Variants in DNAH6 observed in about 807,000 individuals in gnomAD.
The protein encoded by DNAH6 is dynein axonemal heavy chain 6.
In DNAH6, 340 loss-of-function variants were observed where a neutral mutation model predicts 491.4. The observed-to-expected ratio is 0.69, with a 90% confidence interval of 0.63 to 0.76. The LOEUF is 0.76. Ranked by LOEUF, DNAH6 falls within the 30% of genes least tolerant of loss-of-function variation. DNAH6 has a pLI of 0.00. For missense variants in DNAH6, 4,443 were observed against 4,972.2 expected (o/e 0.89, Z 3.20); for synonymous variants, 1,603 against 1,686.1 (o/e 0.95, Z 1.21).
intron 46 of DNAH6, 23 bp downstream of exon 46, chr2:84,694,503 G>T (rs1695194151): frequency 4.6e-6 from 7 of 1,511,922 alleles, no homozygotes; most frequent in Admixed American, 2.0e-5. Flanking sequence ...ATAGCCCATG[G>T]GTGAGAACAG....
chr2:84,589,123 C>T (rs1009969721), intron 16 of DNAH6, among the ~76,000 whole-genome samples, 169 bp downstream of exon 16: 1 of 152,146 alleles, frequency 6.6e-6, no homozygotes, highest in East Asian at 1.9e-4. Flanking sequence ...TCCTTGCCTT[C>T]GAAGTGTTTA....
At chr2:84,798,991 T>C (rs1270340874) in intron 70 of DNAH6, among the ~76,000 whole-genome samples, 13 of 149,006 alleles carry the variant, frequency 8.7e-5, no homozygotes. Flanking sequence ...TTCTTTCCTT[T>C]TTTTTTTTTT....
At chr2:84,595,553 T>C in intron 17 of DNAH6, 93 bp from the exon 18 acceptor site, 3 of 1,105,488 alleles carry the variant, frequency 2.7e-6, no homozygotes, top group Admixed American at 3.1e-5. Context: ...TAGTGTAGAT[T>C]TGGATTAACT....
At chr2:84,521,009 TA>T (rs1472498202) in intron 2 of DNAH6, among the ~76,000 whole-genome samples, 1 of 151,898 alleles carries the variant, frequency 6.6e-6, no homozygotes. Context: ...CAATGGTTGT[TA>T]TTTTTTATTT....
rs1696128663 is a variant in DNAH6 at position 84,703,504 on chromosome 2, CAGA to C, written c.8175_8177del (p.Glu2725del). ...TTAGAGCCTGTACTTTTAGCAAAAT[CAGA>C]AGATGTTGAAGCCCTGATGGAAAAA... On this transcript the variant is annotated inframe_deletion, in exon 50 of 77. Transcript: ENST00000389394. 1.3e-6 allele frequency: 2 copies of C among 1,551,362 alleles called. No homozygotes were observed. The highest frequency in any genetic ancestry group is 1.7e-4 in the Middle Eastern group (1 of 5,992).
chr2:84,762,917 T>C lies in DNAH6; in HGVS notation c.10675T>C (p.Phe3559Leu). 1.3e-6 allele frequency: 2 copies of C among 1,551,338 alleles called. No homozygotes were observed. Among genetic ancestry groups the C allele is most frequent in the South Asian group, 1.2e-5 (1 of 83,984 alleles). The change falls in exon 64 of 77, where the codon TTT (phenylalanine) becomes CTT (leucine). Residue 3559 changes from phenylalanine to leucine, a missense_variant. Around this residue, in one of 3 missense-constraint regions of DNAH6, gnomAD observed 1,463 missense variants for 1,656.6 expected, o/e 0.88. Coordinates refer to ENST00000389394, the MANE Select transcript of DNAH6 (RefSeq NM_001370.2). ...AGATCCCATGGGTGCATTTCAGAGG[T>C]TTGCCAGGGAAAGTGGATATTCAGA... The part of the protein sequence containing the change: ...GSDPMGAFQR[F>L]ARESGYSERV...
At chr2:84,807,891 A>G (rs1412896017) in intron 71 of DNAH6, among the ~76,000 whole-genome samples, 1 of 152,072 alleles carries the variant, frequency 6.6e-6, no homozygotes, top group African/African-American at 2.4e-5. Flanking sequence ...TCCTCCCCAC[A>G]GTCAACCAGA....
At chr2:84,738,988 C>T (rs1381775111) in intron 62 of DNAH6, among the ~76,000 whole-genome samples, 2 of 152,146 alleles carry the variant, frequency 1.3e-5, no homozygotes, top group Non-Finnish European at 2.9e-5. Context: ...TTTGTTTCCA[C>T]ATTGAGAACT....
chr2:84,598,323 C>A (rs116261034), intron 18 of DNAH6, among the ~76,000 whole-genome samples: 4,359 of 152,118 alleles, frequency 0.029, 225 homozygotes, highest in African/African-American at 0.099. Context: ...CCACCATGCC[C>A]AGCCAGTTCA....
At chr2:84,650,014 T>C (rs1690279557) in intron 33 of DNAH6, among the ~76,000 whole-genome samples, 1 of 152,132 alleles carries the variant, frequency 6.6e-6, no homozygotes, top group Non-Finnish European at 1.5e-5. Flanking sequence ...ATTTTATGTG[T>C]TTTTTTCCCT....
chr2:84,587,862 G>A (rs183688922), intron 15 of DNAH6, among the ~76,000 whole-genome samples: 22 of 152,272 alleles, frequency 1.4e-4, no homozygotes, highest in African/African-American at 4.6e-4. Context: ...CCATAGCAGC[G>A]TCCAGTGCAG....
At chr2:84,681,244 G>C in intron 41 of DNAH6, 113 bp from the exon 42 acceptor site, 1 of 883,058 alleles carries the variant, frequency 1.1e-6, no homozygotes, top group Non-Finnish European at 1.7e-6. Flanking sequence ...AGAAGACTTT[G>C]TGTTGGAATT....
intron 22 of DNAH6, 132 bp from the exon 23 acceptor site, chr2:84,616,754 T>G (rs1397106346): frequency 2.1e-6 from 1 of 479,950 alleles, no homozygotes; most frequent in Non-Finnish European, 3.7e-6. Flanking sequence ...AAGCATATTT[T>G]TATAAGAGTT....
At chr2:84,709,661 G>T in intron 55 of DNAH6, 115 bp downstream of exon 55, 2 of 1,151,344 alleles carry the variant, frequency 1.7e-6, no homozygotes, top group Non-Finnish European at 2.5e-6. Context: ...TAACATACAT[G>T]GAGATTTAGA....
intron 42 of DNAH6, 54 bp downstream of exon 42, chr2:84,681,582 G>C (rs1573467156): frequency 3.6e-6 from 5 of 1,405,952 alleles, no homozygotes; most frequent in Non-Finnish European, 4.7e-6. Context: ...TTTTCCATTG[G>C]CCCCCAAATA....
the DNAH6 span, among the ~76,000 whole-genome samples, chr2:84,492,420 C>T: frequency 6.6e-6 from 1 of 152,190 alleles, no homozygotes; most frequent in African/African-American, 2.4e-5. Flanking sequence ...CCCTTATTTC[C>T]AGACCTGTGT....
At chr2:84,764,782 G>C (rs1471372778) in intron 64 of DNAH6, among the ~76,000 whole-genome samples, 2 of 152,084 alleles carry the variant, frequency 1.3e-5, no homozygotes, top group African/African-American at 4.8e-5. Context: ...TGACTGCATA[G>C]CATTCCATGG....
In DNAH6 at chr2:84,634,589, T is replaced by C; in HGVS notation, c.4601T>C (p.Leu1534Pro). 1 of 1,550,654 alleles carries C rather than the reference T, an allele frequency of 6.4e-7. No individual in the cohort carries two copies. Among genetic ancestry groups the C allele is most frequent in the Non-Finnish European group, 8.7e-7 (1 of 1,146,514 alleles). The change falls in exon 30 of 77, where the codon CTG (leucine) becomes CCG (proline). Residue 1534 changes from leucine (L) to proline (P), a missense_variant. By Grantham distance (98) the Leu-to-Pro change is moderately conservative. Transcript: ENST00000389394. The part of the protein sequence containing the change: ...DEFNRIDIEV[L>P]SVIAQQLITI... ...TTTAATCGAATTGACATAGAAGTTCTGTCCGTCATCGCGCAGCAACTCATT... is the reference window on the plus strand; with the variant it reads ...TTTAATCGAATTGACATAGAAGTTCCGTCCGTCATCGCGCAGCAACTCATT...
At chr2:84,617,089 A>G in intron 23 of DNAH6, 107 bp downstream of exon 23, 1 of 613,056 alleles carries the variant, frequency 1.6e-6, no homozygotes, top group Non-Finnish European at 2.8e-6. Context: ...GAGAGAAACA[A>G]AAAAGATCTA....
Sources: gnomAD v4.1 joint callset for allele counts (sites outside exome capture counted in the v4.1 genomes callset) on GRCh38, gnomAD v4.1.1 for gene constraint, gnomAD v4.1.1 regional missense constraint, MANE v1.5 for transcripts, NCBI Gene and HGNC (gene_info 2026-07-23, HGNC 2026-07-21) for gene names.